AHI1: variants seen among roughly 807,000 people sequenced by gnomAD.
AHI1 encodes Abelson helper integration site 1.
Under a neutral mutation model 149.3 loss-of-function variants are expected in AHI1, and 123 were observed. The ratio of observed to expected loss-of-function variants is 0.82; its 90% CI spans 0.71 to 0.96. The LOEUF is 0.96. Among genes scored for constraint, AHI1 ranks in the 40% least tolerant of loss-of-function variants. AHI1 has a pLI of 0.00. For missense variants in AHI1, 1,439 were observed against 1,422.7 expected, an observed-to-expected ratio of 1.01 and a Z score of -0.18; for synonymous variants, 475 against 459.8, an observed-to-expected ratio of 1.03 and a Z score of -0.42.
chr6:135,390,428 T>C (rs1778317405), intron 23 of AHI1, among the ~76,000 whole-genome samples: 1 of 152,004 alleles, frequency 6.6e-6, no homozygotes, highest in South Asian at 2.1e-4. Context: ...TACTTTGCAA[T>C]ATATCTTAGA....
rs144841855 is a variant in AHI1, at chr6:135,440,841, TGA to T, written c.1912+1739_1912+1740del. 7.4e-3 allele frequency among the ~76,000 whole-genome samples: 1,129 copies of T among 151,800 alleles called. 14 individuals carry two copies. Among genetic ancestry groups the T allele is most frequent in the African/African-American group, 0.026 (1,071 of 41,360 alleles). On this transcript the variant is annotated intron_variant, in intron 14 of 28. Coordinates refer to ENST00000265602, the MANE Select transcript of AHI1 (RefSeq NM_001134831.2). The stretch of plus-strand genomic sequence containing the variant: ...AAAAATAATAAATCTTGGGTGGGCG[TGA>T]GGGGAGAAAGGAGGGCATCTGATTT...
At chr6:135,384,022 C>A (rs1360494681) in intron 23 of AHI1, among the ~76,000 whole-genome samples, 1 of 152,150 alleles carries the variant, frequency 6.6e-6, no homozygotes, top group Admixed American at 6.5e-5. Flanking sequence ...ACTTTCACCA[C>A]GGTATAAATT....
chr6:135,490,472 T>C (rs1795098300), intron 5 of AHI1, 151 bp downstream of exon 5: 1 of 900,212 alleles, frequency 1.1e-6, no homozygotes. Context: ...GATTCTAATA[T>C]AAACTTTATT....
chr6:135,482,427 C>G (rs1793793610), intron 5 of AHI1, among the ~76,000 whole-genome samples: 1 of 150,514 alleles, frequency 6.6e-6, no homozygotes, highest in Non-Finnish European at 1.5e-5. Flanking sequence ...TATTTAACAA[C>G]CAGCTCTTAT....
Position 135,300,914 on chromosome 6 carries a change from C to A in AHI1, c.3427-356G>T, listed in dbSNP as rs114365099. ...AGCTCTAAATATATCTTTTAGCCTG[C>A]ATCTTTCCTTCATATTCTTTATAGT... On this transcript the variant is annotated intron_variant, in intron 26 of 28. Transcript: ENST00000265602. 555 of 1,000,238 alleles carry A rather than the reference C, an allele frequency of 5.5e-4. 1 individual carries two copies. In the African/African-American group the frequency reaches 9.2e-3, roughly 17 times the overall value. The allele number at this position is 1,000,238 out of a possible 1,614,324, so 62.0% of individuals were successfully genotyped here.
Position 135,323,256 on chromosome 6 carries a change from G to A in AHI1, c.3234C>T (p.Ile1078=). The A allele has an allele frequency of 6.2e-7, 1 of 1,613,802 alleles. No homozygotes were observed. Among genetic ancestry groups the A allele is most frequent in the Non-Finnish European group, 8.5e-7 (1 of 1,179,822 alleles). The stretch of plus-strand genomic sequence containing the variant: ...CTTCATTATCTTTGAAAAACACTCG[G>A]ATAATGTCTCCGCGATGGATGGTTA... ...DELTIHRGDI[I]RVFFKDNEDW... Residue 1078 remains isoleucine (I), a synonymous_variant, in exon 25 of 29, where the codon ATC becomes ATT. Coordinates refer to ENST00000265602, the MANE Select transcript of AHI1 (RefSeq NM_001134831.2).
chr6:135,407,289 G>C (rs1780931415), intron 21 of AHI1, among the ~76,000 whole-genome samples: 1 of 151,990 alleles, frequency 6.6e-6, no homozygotes, highest in Non-Finnish European at 1.5e-5. Flanking sequence ...ATAAAAAAAG[G>C]AATTTGGGGT....
chr6:135,410,309 G>A (rs1781402818), intron 21 of AHI1, among the ~76,000 whole-genome samples: 1 of 152,186 alleles, frequency 6.6e-6, no homozygotes, highest in African/African-American at 2.4e-5. Context: ...GTTCGAGACT[G>A]CAGTGAGCAA....
At chr6:135,463,549 C>T (rs1222588478) in intron 7 of AHI1, among the ~76,000 whole-genome samples, 1 of 151,862 alleles carries the variant, frequency 6.6e-6, no homozygotes, top group Non-Finnish European at 1.5e-5. Flanking sequence ...GCTCTAAACC[C>T]CAGGGGAAAG....
chr6:135,397,238 A>G (rs575213658), intron 22 of AHI1, among the ~76,000 whole-genome samples: 1 of 152,110 alleles, frequency 6.6e-6, no homozygotes, highest in South Asian at 2.1e-4. Context: ...AAGCTCGTAC[A>G]TATTTATTAT....
intron 26 of AHI1, among the ~76,000 whole-genome samples, chr6:135,313,669 A>C (rs1327303139): frequency 6.6e-6 from 1 of 152,228 alleles, no homozygotes; most frequent in Non-Finnish European, 1.5e-5. Context: ...ACTATGATGC[A>C]GTGAGTCCAC....
intron 5 of AHI1, among the ~76,000 whole-genome samples, chr6:135,481,007 C>T (rs961657265): frequency 1.3e-5 from 2 of 152,200 alleles, no homozygotes; most frequent in African/African-American, 4.8e-5. Flanking sequence ...GAAAAATTGT[C>T]TTCCACAAAA....
chr6:135,492,228 C>T lies in AHI1; in HGVS notation c.10G>A (p.Ala4Thr), dbSNP rs1795348969. 2.6e-6 allele frequency: 4 copies of T among 1,532,130 alleles called. No individual in the cohort carries two copies. In the East Asian group the frequency reaches 7.4e-5, roughly 28 times the overall value. The allele number at this position is 1,532,130 out of a possible 1,614,324, so 94.9% of individuals were successfully genotyped here. A position where few individuals can be genotyped will look rare whatever the true frequency, so the allele number is the denominator to read the frequency against. MPT[A>T]ESEAKVKTKV... The stretch of plus-strand genomic sequence containing the variant: ...TACATAAATTTCATAGAAGTCTTAC[C>T]TGTAGGCATCTCTCAGCTTTATGCA... Residue 4 changes from alanine (A) to threonine (T), a missense_variant and splice_region_variant, in exon 4 of 29, where the codon GCT becomes ACT. Transcript: ENST00000265602.
intron 21 of AHI1, 74 bp from the exon 22 acceptor site, chr6:135,405,051 T>G: frequency 1.6e-6 from 2 of 1,264,634 alleles, no homozygotes; most frequent in Non-Finnish European, 2.3e-6. Context: ...AACACTCAGA[T>G]GTTTATCTTC....
In AHI1 at chr6:135,285,551, T is replaced by A; in HGVS notation, c.*94A>T. 1 of 1,271,144 alleles carries A rather than the reference T, an allele frequency of 7.9e-7. No homozygotes were observed. Among genetic ancestry groups the A allele is most frequent in the Non-Finnish European group, 1.1e-6 (1 of 885,588 alleles). 78.7% of individuals were successfully genotyped at this position (1,271,144 alleles called of 1,614,324 possible). On this transcript the variant is annotated 3_prime_UTR_variant, in exon 29 of 29. Transcript: ENST00000265602. ...TAGTGGATCCTTTCTTCCTCCTTAGTATCTGAAAATTCTGAACTCTGAAGA... is the reference window on the plus strand; with the variant it reads ...TAGTGGATCCTTTCTTCCTCCTTAGAATCTGAAAATTCTGAACTCTGAAGA...
chr6:135,491,066 A>G (rs542591383), intron 4 of AHI1, among the ~76,000 whole-genome samples: 1 of 152,276 alleles, frequency 6.6e-6, no homozygotes, highest in South Asian at 2.1e-4. Flanking sequence ...GTTACTCAAG[A>G]TCTCTAAACT....
chr6:135,349,314 T>C (rs774445350), intron 24 of AHI1, among the ~76,000 whole-genome samples: 1 of 152,162 alleles, frequency 6.6e-6, no homozygotes, highest in Non-Finnish European at 1.5e-5. Context: ...TAGTGAGAAT[T>C]TATGAAATGA....
chr6:135,376,921 A>AAAAAAAAAAAAAAAAAAAAAG (rs1776025303), intron 23 of AHI1, among the ~76,000 whole-genome samples: 1 of 128,690 alleles, frequency 7.8e-6, no homozygotes, highest in African/African-American at 2.9e-5. Context: ...AAAAAAAAAA[A>AAAAAAAAAAAAAAAAAAAAAG]GTTGGTCCAG....
intron 23 of AHI1, among the ~76,000 whole-genome samples, chr6:135,390,033 T>TA (rs1778255243): frequency 1.3e-5 from 2 of 152,190 alleles, no homozygotes; most frequent in African/African-American, 4.8e-5. Context: ...TTATTTTTTT[T>TA]AAACTCATGA....
Sources: allele counts gnomAD v4.1 joint callset (sites outside exome capture counted in the v4.1 genomes callset), GRCh38; gene constraint gnomAD v4.1.1; transcripts MANE v1.5; gene names NCBI Gene and HGNC (gene_info 2026-07-23, HGNC 2026-07-21).